MACROD2: variants seen among roughly 807,000 people sequenced by gnomAD.
MACROD2 encodes mono-ADP ribosylhydrolase 2.
A neutral mutation model predicts 70.4 loss-of-function variants in MACROD2; 36 were observed. The ratio of observed to expected loss-of-function variants is 0.51; its 90% CI spans 0.39 to 0.68. The LOEUF is 0.68. Among genes scored for constraint, MACROD2 ranks in the 30% least tolerant of loss-of-function variants. The probability of loss-of-function intolerance (pLI) is 0.00; values close to 1 mark genes in which losing one functional copy is unlikely to be tolerated. For synonymous variants in MACROD2, 172 were observed against 178.8 expected, an observed-to-expected ratio of 0.96 and a Z score of 0.30; for missense variants, 496 against 538.4, an observed-to-expected ratio of 0.92 and a Z score of 0.78.
At chr20:14,317,045 C>T (rs193147825) in intron 3 of MACROD2, among the ~76,000 whole-genome samples, 6 of 152,336 alleles carry the variant, frequency 3.9e-5, no homozygotes, top group Admixed American at 1.3e-4. Context: ...ATCTCACCTA[C>T]GTCTTGATCA....
chr20:14,296,219 T>A (rs2082426848), intron 3 of MACROD2, among the ~76,000 whole-genome samples: 1 of 151,916 alleles, frequency 6.6e-6, no homozygotes. Flanking sequence ...TAGGATACAA[T>A]GACCTTGGGA....
chr20:16,022,116 T>C (rs1394312554), intron 15 of MACROD2, among the ~76,000 whole-genome samples: 1 of 147,356 alleles, frequency 6.8e-6, no homozygotes, highest in African/African-American at 2.5e-5. Flanking sequence ...AGTGGCGCGA[T>C]CTTGGCTCAC....
At chr20:15,034,902 A>T (rs531260890) in intron 5 of MACROD2, among the ~76,000 whole-genome samples, 1 of 152,304 alleles carries the variant, frequency 6.6e-6, no homozygotes, top group South Asian at 2.1e-4. Flanking sequence ...TACAAATAGC[A>T]CTACTGAGAC....
At chr20:15,271,311 G>A (rs2077344066) in intron 6 of MACROD2, among the ~76,000 whole-genome samples, 1 of 152,108 alleles carries the variant, frequency 6.6e-6, no homozygotes, top group Admixed American at 6.5e-5. Context: ...TTTTAGAAGG[G>A]CGCTAATCCC....
chr20:15,090,655 C>A (rs1455631970), intron 5 of MACROD2, among the ~76,000 whole-genome samples: 1 of 151,942 alleles, frequency 6.6e-6, no homozygotes, highest in African/African-American at 2.4e-5. Flanking sequence ...GATGAGTGGG[C>A]AAACTCAGGA....
rs1236896420 is a variant in MACROD2 at position 14,587,648 on chromosome 20, A to T, written c.301+94140A>T. Among the ~76,000 whole-genome samples, 6 of 151,938 alleles carry T rather than the reference A, an allele frequency of 3.9e-5. No homozygotes were observed. In the East Asian group the frequency reaches 1.2e-3, roughly 29 times the overall value. ...AACAGAATTATTAATACATTTATAT[A>T]ACACATATTAATATACACACATTCC... On this transcript the variant is annotated intron_variant, in intron 4 of 17. Coordinates refer to ENST00000684519, the MANE Select transcript of MACROD2 (RefSeq NM_001351661.2).
In MACROD2 at chr20:15,282,591, G is replaced by A. The variant is rs563856675; in HGVS notation, c.540+52530G>A. On this transcript the variant is annotated intron_variant, in intron 6 of 17. Transcript: ENST00000684519. ...CAGCCAGTCTCTTTGCTAAAGCATA[G>A]CAAGAATCACCTTTATTCCAATTCC... is the stretch of plus-strand genomic sequence containing the variant. Among the ~76,000 whole-genome samples, 19 of 152,290 alleles carry A rather than the reference G, an allele frequency of 1.2e-4. No individual in the cohort carries two copies. In the South Asian group the frequency reaches 3.7e-3, roughly 30 times the overall value.
intron 2 of MACROD2, among the ~76,000 whole-genome samples, chr20:14,022,648 C>T (rs528851190): frequency 1.3e-4 from 20 of 152,026 alleles, no homozygotes; most frequent in East Asian, 1.9e-4. Flanking sequence ...CCTGTGTCCA[C>T]GTGTTCTCAT....
chr20:14,391,800 A>G (rs529872083), intron 3 of MACROD2, among the ~76,000 whole-genome samples: 128 of 144,204 alleles, frequency 8.9e-4, no homozygotes, highest in Admixed American at 2.0e-3. Flanking sequence ...TGGCAACAAT[A>G]GACACTGAGG....
intron 3 of MACROD2, among the ~76,000 whole-genome samples, chr20:14,123,408 GAAGGAGCCT>G (rs2148693988): frequency 6.6e-6 from 1 of 152,224 alleles, no homozygotes; most frequent in African/African-American, 2.4e-5. Context: ...GCTCCTTGCT[GAAGGAGCCT>G]CACCTTCATC....
At chr20:15,769,448 A>T (rs1223178903) in intron 8 of MACROD2, among the ~76,000 whole-genome samples, 1 of 152,200 alleles carries the variant, frequency 6.6e-6, no homozygotes, top group Non-Finnish European at 1.5e-5. Flanking sequence ...CGCCCCACCT[A>T]ATATAATTAT....
chr20:15,582,545 G>A (rs536307861), intron 8 of MACROD2, among the ~76,000 whole-genome samples: 1 of 152,262 alleles, frequency 6.6e-6, no homozygotes, highest in South Asian at 2.1e-4. Context: ...ATATATACTT[G>A]GCAAGAAATG....
At chr20:14,784,678 GGGGC>G (rs2072345511) in intron 5 of MACROD2, among the ~76,000 whole-genome samples, 1 of 134,710 alleles carries the variant, frequency 7.4e-6, no homozygotes, top group East Asian at 2.4e-4. Context: ...TGGGGGGGGG[GGGGC>G]ACCAGATTCA....
chr20:15,090,901 A>G (rs2075787881), intron 5 of MACROD2, among the ~76,000 whole-genome samples: 1 of 152,000 alleles, frequency 6.6e-6, no homozygotes, highest in Non-Finnish European at 1.5e-5. Context: ...TAAGTGGCTG[A>G]CTTCCCCCTG....
At chr20:14,468,490 A>G (rs1490665003) in intron 3 of MACROD2, among the ~76,000 whole-genome samples, 3 of 37,926 alleles carry the variant, frequency 7.9e-5, no homozygotes, top group Non-Finnish European at 1.5e-4. Context: ...GCATTCCTTT[A>G]TTTTGAGCCT....
chr20:15,906,245 C>T (rs999965739), intron 10 of MACROD2, among the ~76,000 whole-genome samples: 5 of 152,206 alleles, frequency 3.3e-5, no homozygotes, highest in Non-Finnish European at 7.3e-5. Context: ...GATTCCTGCA[C>T]CTAGCCCAAC....
intron 8 of MACROD2, among the ~76,000 whole-genome samples, chr20:15,741,095 T>C (rs1456238758): frequency 1.4e-5 from 2 of 147,472 alleles, no homozygotes; most frequent in African/African-American, 2.5e-5. Context: ...ATCATATCTT[T>C]TTTTTTTTTT....
rs2067215347 is a variant in MACROD2 at position 16,035,165 on chromosome 20, A to AATATATATTAT, written c.1154-6031_1154-6030insTATTATATATA. Among the ~76,000 whole-genome samples the AATATATATTAT allele has an allele frequency of 6.2e-5, 4 of 64,952 alleles. No homozygotes were observed. The Admixed American group carries it at 8.6e-4, about 14-fold the overall frequency. 42.6% of individuals were successfully genotyped at this position (64,952 alleles called of 152,430 possible). ...ATATTATATATAAAATATAATATAA[A>AATATATATTAT]ATATAAAATATTATATATTATATAT... On this transcript the variant is annotated intron_variant, in intron 15 of 17. Transcript: ENST00000684519.
chr20:15,084,290 A>T (rs371066377), intron 5 of MACROD2, among the ~76,000 whole-genome samples: 23 of 152,036 alleles, frequency 1.5e-4, no homozygotes, highest in African/African-American at 5.3e-4. Flanking sequence ...CTGGTCTCGA[A>T]GTCCTGACCT....
Sources: gnomAD v4.1 joint callset for allele counts (sites outside exome capture counted in the v4.1 genomes callset) on GRCh38, gnomAD v4.1.1 for gene constraint, MANE v1.5 for transcripts, NCBI Gene and HGNC (gene_info 2026-07-23, HGNC 2026-07-21) for gene names.